Variants in SORCS2 observed in about 807,000 individuals in gnomAD.
The protein encoded by SORCS2 is sortilin related VPS10 domain containing receptor 2.
SORCS2 carries 100 observed loss-of-function variants against 141.6 expected under a neutral mutation model. The ratio of observed to expected loss-of-function variants is 0.71; its 90% CI spans 0.60 to 0.83. SORCS2 has a LOEUF of 0.83. Among genes scored for constraint, SORCS2 ranks in the 40% least tolerant of loss-of-function variants. The pLI is 0.00. For synonymous variants in SORCS2, 789 were observed against 676.9 expected (o/e 1.17, Z -2.57); for missense variants, 1,646 against 1,560.2 (o/e 1.05, Z -0.93).
intron 3 of SORCS2, among the ~76,000 whole-genome samples, chr4:7,594,427 C>T (rs1001607061): frequency 8.5e-5 from 13 of 152,240 alleles, no homozygotes; most frequent in African/African-American, 3.1e-4. Context: ...CAGCTGCTGC[C>T]CGAGGAAGGG....
intron 2 of SORCS2, among the ~76,000 whole-genome samples, chr4:7,460,274 G>A (rs973821556): frequency 6.6e-6 from 1 of 152,242 alleles, no homozygotes; most frequent in African/African-American, 2.4e-5. Flanking sequence ...CTAAGCCCCA[G>A]AGGACATGGT....
chr4:7,512,718 G>T (rs1397640068), intron 2 of SORCS2, among the ~76,000 whole-genome samples: 1 of 151,850 alleles, frequency 6.6e-6, no homozygotes, highest in Admixed American at 6.6e-5. Context: ...GTCCTCGTGG[G>T]AGGAGTCAGC....
At chr4:7,320,637 G>A (rs568810251) in intron 1 of SORCS2, among the ~76,000 whole-genome samples, 1 of 152,338 alleles carries the variant, frequency 6.6e-6, no homozygotes, top group East Asian at 1.9e-4. Flanking sequence ...CCAGTGGAAG[G>A]CAGGGCCCCG....
intron 1 of SORCS2, among the ~76,000 whole-genome samples, chr4:7,388,117 C>G (rs973881148): frequency 2.0e-5 from 3 of 152,032 alleles, no homozygotes; most frequent in African/African-American, 7.3e-5. Context: ...GACACATGCA[C>G]ACACATGTGC....
intron 3 of SORCS2, among the ~76,000 whole-genome samples, chr4:7,536,347 A>C (rs2109563933): frequency 6.6e-6 from 1 of 152,376 alleles, no homozygotes. Context: ...TCTTTGCAAC[A>C]AGTGGGAACT....
At chr4:7,571,602 C>G (rs937456330) in intron 3 of SORCS2, among the ~76,000 whole-genome samples, 3 of 151,876 alleles carry the variant, frequency 2.0e-5, no homozygotes, top group Admixed American at 1.3e-4. Context: ...TGACAGTGGG[C>G]AGAGGTGGTC....
At chr4:7,457,218 C>G (rs1049669964) in intron 2 of SORCS2, among the ~76,000 whole-genome samples, 1 of 152,238 alleles carries the variant, frequency 6.6e-6, no homozygotes, top group African/African-American at 2.4e-5. Flanking sequence ...TTCCCAGCCG[C>G]CATGCACTGG....
At chr4:7,508,988 G>A (rs189240608) in intron 2 of SORCS2, among the ~76,000 whole-genome samples, 7 of 152,328 alleles carry the variant, frequency 4.6e-5, no homozygotes, top group East Asian at 3.9e-4. Flanking sequence ...TGTGAACCTC[G>A]CGGAGACTGG....
chr4:7,578,157 G>A (rs1715892707), intron 3 of SORCS2, among the ~76,000 whole-genome samples: 1 of 152,190 alleles, frequency 6.6e-6, no homozygotes, highest in African/African-American at 2.4e-5. Flanking sequence ...GTTACCACGA[G>A]AGCAGGTTGT....
chr4:7,546,958 A>G (rs545697165), intron 3 of SORCS2, among the ~76,000 whole-genome samples: 79 of 152,294 alleles, frequency 5.2e-4, no homozygotes, highest in Middle Eastern at 3.4e-3. Flanking sequence ...GATTTCTGCA[A>G]TGGGGAATCC....
chr4:7,355,474 C>G (rs1335832135), intron 1 of SORCS2, among the ~76,000 whole-genome samples: 1 of 152,160 alleles, frequency 6.6e-6, no homozygotes, highest in Non-Finnish European at 1.5e-5. Context: ...CGCGGTCAGT[C>G]AGAGTGGAGG....
At position 7,303,769 on chromosome 4, in the gene SORCS2, A is replaced by T. The variant is rs115092446; in HGVS notation, c.481-92519A>T. Among the ~76,000 whole-genome samples, 636 of 152,354 alleles carry T rather than the reference A, an allele frequency of 4.2e-3. 2 individuals carry two copies. The highest frequency in any genetic ancestry group is 0.014 in the African/African-American group (602 of 41,582). On this transcript the variant is annotated intron_variant, in intron 1 of 26. Coordinates refer to ENST00000507866, the MANE Select transcript of SORCS2 (RefSeq NM_020777.3). ...TGTGGGTGAAGGAAAACACCTTCTA[A>T]GGCCAAGTCAGAGCGCAGGACGCAG...
chr4:7,721,172 AC>A (rs1253563794), intron 18 of SORCS2, among the ~76,000 whole-genome samples: 1 of 152,230 alleles, frequency 6.6e-6, no homozygotes, highest in Non-Finnish European at 1.5e-5. Flanking sequence ...CATTATTAAT[AC>A]CTGCAGCAGG....
At chr4:7,643,052 A>T (rs1019493049) in intron 4 of SORCS2, among the ~76,000 whole-genome samples, 1 of 151,710 alleles carries the variant, frequency 6.6e-6, no homozygotes, top group Non-Finnish European at 1.5e-5. Context: ...TTCCTTCCCT[A>T]CCTCTTCCTT....
In SORCS2 at chr4:7,643,898, G is replaced by A. The variant is rs770038392; in HGVS notation, c.813+5406G>A. Among the ~76,000 whole-genome samples, 24 of 152,274 alleles carry A rather than the reference G, an allele frequency of 1.6e-4. No homozygotes were observed. In the South Asian group the frequency reaches 2.5e-3, roughly 16 times the overall value. The stretch of plus-strand genomic sequence containing the variant: ...ACGTTGATGGCTCGCTCTGACCTCA[G>A]ACTTGAGAACAGGGAAAAGATTGGG... On this transcript the variant is annotated intron_variant, in intron 4 of 26. Coordinates refer to ENST00000507866, the MANE Select transcript of SORCS2 (RefSeq NM_020777.3).
chr4:7,311,640 G>A (rs1718189833), intron 1 of SORCS2, among the ~76,000 whole-genome samples: 1 of 152,088 alleles, frequency 6.6e-6, no homozygotes, highest in Non-Finnish European at 1.5e-5. Flanking sequence ...TTTCCGTGAT[G>A]ATGAATGATG....
At chr4:7,454,400 G>A (rs1210829846) in intron 2 of SORCS2, among the ~76,000 whole-genome samples, 1 of 140,074 alleles carries the variant, frequency 7.1e-6, no homozygotes, top group African/African-American at 2.7e-5. Context: ...GTGTGTTGGG[G>A]TCAGGTGCTG....
intron 12 of SORCS2, among the ~76,000 whole-genome samples, chr4:7,697,712 A>G (rs1724800762): frequency 6.6e-6 from 1 of 150,408 alleles, no homozygotes; most frequent in Non-Finnish European, 1.5e-5. Flanking sequence ...GCTACGGGGG[A>G]CTCCGGGTTC....
At chr4:7,350,259 T>C (rs145507347) in intron 1 of SORCS2, among the ~76,000 whole-genome samples, 305 of 152,312 alleles carry the variant, frequency 2.0e-3, no homozygotes, top group African/African-American at 7.0e-3. Context: ...TTTGCAGCAA[T>C]GTTATTTACA....
Sources: gnomAD v4.1 joint callset for allele counts (sites outside exome capture counted in the v4.1 genomes callset) on GRCh38, gnomAD v4.1.1 for gene constraint, MANE v1.5 for transcripts, NCBI Gene and HGNC (gene_info 2026-07-23, HGNC 2026-07-21) for gene names.